The following LYAR variants were observed in gnomAD, a reference collection of about 807,000 sequenced individuals.
The protein encoded by LYAR is Ly1 antibody reactive, also known as cell growth-regulating nucleolar protein.
A neutral mutation model predicts 45.2 loss-of-function variants in LYAR; 37 were observed. That is an observed-to-expected ratio of 0.82 (90% CI 0.63 to 1.08). The LOEUF (loss-of-function observed/expected upper bound fraction) is 1.08, where lower values mean the gene tolerates loss of function less well. Among genes scored for constraint, LYAR ranks in the 50% least tolerant of loss-of-function variants. LYAR has a pLI of 0.00. For synonymous variants in LYAR, 176 were observed against 155.1 expected (o/e 1.14, Z -1.00); for missense variants, 493 against 451.0 (o/e 1.09, Z -0.84).
chr4:4,273,449 T>G, intron 8 of LYAR, 134 bp downstream of exon 8: 1 of 625,780 alleles, frequency 1.6e-6, no homozygotes, highest in Non-Finnish European at 2.9e-6. Flanking sequence ...TTGAAAGTGG[T>G]ACGCCCATGG....
At chr4:4,279,317 GTAAGACTCCAT>G in intron 6 of LYAR, 119 bp downstream of exon 6, 1 of 657,062 alleles carries the variant, frequency 1.5e-6, no homozygotes, top group Non-Finnish European at 2.6e-6. Flanking sequence ...GGGCAACAGA[GTAAGACTCCAT>G]CTCAAAAAAA....
chr4:4,272,253 C>T (rs571399638), intron 8 of LYAR, among the ~76,000 whole-genome samples: 8 of 152,294 alleles, frequency 5.3e-5, no homozygotes, highest in South Asian at 2.1e-4. Flanking sequence ...TACATAAGGA[C>T]GCCTGAGTCT....
intron 1 of LYAR, among the ~76,000 whole-genome samples, chr4:4,287,422 C>T (rs536054221): frequency 5.3e-4 from 80 of 152,330 alleles, no homozygotes; most frequent in African/African-American, 1.5e-3. Context: ...GCTGCGTCTT[C>T]GTCTGTCTGT....
At chr4:4,274,962 C>T (rs1372995795) in intron 6 of LYAR, among the ~76,000 whole-genome samples, 193 bp from the exon 7 acceptor site, 1 of 152,190 alleles carries the variant, frequency 6.6e-6, no homozygotes, top group Non-Finnish European at 1.5e-5. Flanking sequence ...AAACCACTTC[C>T]CCCAGTCCAC....
intron 5 of LYAR, 32 bp from the exon 6 acceptor site, chr4:4,279,562 A>T (rs772420193): frequency 6.4e-7 from 1 of 1,573,474 alleles, no homozygotes; most frequent in Non-Finnish European, 8.7e-7. Context: ...AGAACTATTG[A>T]TCCCACTTGG....
intron 6 of LYAR, among the ~76,000 whole-genome samples, chr4:4,275,019 T>C (rs539213895): frequency 2.2e-4 from 34 of 152,330 alleles, no homozygotes; most frequent in African/African-American, 7.7e-4. Context: ...ACTGGAAAAG[T>C]GAAGAATCCT....
intron 6 of LYAR, among the ~76,000 whole-genome samples, chr4:4,278,913 G>A (rs1719290039): frequency 1.3e-5 from 2 of 152,100 alleles, no homozygotes; most frequent in African/African-American, 4.8e-5. Context: ...ATTACATACT[G>A]GGCTGGCACC....
chr4:4,283,421 T>C (rs1170007418), intron 3 of LYAR, among the ~76,000 whole-genome samples, 200 bp downstream of exon 3: 1 of 152,230 alleles, frequency 6.6e-6, no homozygotes, highest in Non-Finnish European at 1.5e-5. Flanking sequence ...AGTGCTGGGA[T>C]TACAGGCCTG....
chr4:4,269,623 C>T (rs1047493169), intron 8 of LYAR, among the ~76,000 whole-genome samples: 11 of 152,264 alleles, frequency 7.2e-5, no homozygotes, highest in African/African-American at 1.2e-4. Context: ...CCTGGACTTC[C>T]GCCCCCACCT....
rs1560095465 is a variant in LYAR at position 4,279,679 on chromosome 4, G to A, written c.308C>T (p.Ala103Val). Reference sequence around the variant, plus strand: ...CTTTTTCCTGGGAACGTTGTCAAAAGCACTAATTTGCTCTAAAAGTTCTCT... The same window carrying A: ...CTTTTTCCTGGGAACGTTGTCAAAAACACTAATTTGCTCTAAAAGTTCTCT... ...KVRELLEQIS[A>V]FDNVPRKKAK... The change falls in exon 5 of 10, where the codon GCT becomes GTT. Residue 103 changes from alanine to valine, a missense_variant. Physicochemically the swap from Ala to Val is moderately conservative, Grantham distance 64. Transcript: ENST00000343470. 6.2e-7 allele frequency: 1 copy of A among 1,614,024 alleles called. No individual in the cohort carries two copies. The highest frequency in any genetic ancestry group is 8.5e-7 in the Non-Finnish European group (1 of 1,179,948).
intron 6 of LYAR, 123 bp downstream of exon 6, chr4:4,279,324 T>C (rs1577215677): frequency 1.5e-6 from 1 of 677,426 alleles, no homozygotes; most frequent in African/African-American, 1.8e-5. Flanking sequence ...AGAGTAAGAC[T>C]CCATCTCAAA....
chr4:4,278,335 T>G (rs1222088205), intron 6 of LYAR, among the ~76,000 whole-genome samples: 1 of 152,180 alleles, frequency 6.6e-6, no homozygotes, highest in Non-Finnish European at 1.5e-5. Flanking sequence ...GACCCCACTG[T>G]TTTTTGAAAC....
intron 8 of LYAR, among the ~76,000 whole-genome samples, chr4:4,271,883 G>A (rs1051702535): frequency 6.6e-6 from 1 of 152,176 alleles, no homozygotes. Flanking sequence ...TGTGATGCAC[G>A]CACAGCACGG....
At chr4:4,289,987 C>G (rs1355182561) in intron 1 of LYAR, 49 bp downstream of exon 1, 1 of 152,406 alleles carries the variant, frequency 6.6e-6, no homozygotes, top group Non-Finnish European at 1.5e-5. Context: ...CCTACTCACT[C>G]TCTGAGCCCC....
intron 3 of LYAR, among the ~76,000 whole-genome samples, chr4:4,283,192 C>A (rs1444422931): frequency 1.3e-5 from 2 of 152,210 alleles, no homozygotes; most frequent in Non-Finnish European, 2.9e-5. Flanking sequence ...GCTCTGTTGC[C>A]CAGGCTGGAG....
At chr4:4,270,510 T>A (rs545028412) in intron 8 of LYAR, among the ~76,000 whole-genome samples, 231 of 144,094 alleles carry the variant, frequency 1.6e-3, no homozygotes, top group Middle Eastern at 3.6e-3. Flanking sequence ...TTAGAATAAA[T>A]TTAAAAACTA....
chr4:4,277,305 C>T (rs1240624606), intron 6 of LYAR, among the ~76,000 whole-genome samples: 1 of 152,078 alleles, frequency 6.6e-6, no homozygotes, highest in Admixed American at 6.5e-5. Flanking sequence ...CCTCAGCCTC[C>T]CAAAGTGCTG....
chr4:4,275,014 A>C (rs1251108932), intron 6 of LYAR, among the ~76,000 whole-genome samples: 2 of 152,184 alleles, frequency 1.3e-5, no homozygotes, highest in Admixed American at 6.5e-5. Flanking sequence ...ATTCCACTGG[A>C]AAAGTGAAGA....
intron 8 of LYAR, among the ~76,000 whole-genome samples, chr4:4,272,059 A>G (rs1283680983): frequency 6.6e-6 from 1 of 152,028 alleles, no homozygotes; most frequent in Non-Finnish European, 1.5e-5. Flanking sequence ...AGTGATTGCC[A>G]GAGGCTAAGG....
Sources: gnomAD v4.1 joint callset for allele counts (sites outside exome capture counted in the v4.1 genomes callset) on GRCh38, gnomAD v4.1.1 for gene constraint, MANE v1.5 for transcripts, NCBI Gene and HGNC (gene_info 2026-07-23, HGNC 2026-07-21) for gene names.